PRODH2: variants seen among roughly 807,000 people sequenced by gnomAD.
PRODH2 encodes proline dehydrogenase 2, also known as hydroxyproline dehydrogenase.
In PRODH2, 49 loss-of-function variants were observed where a neutral mutation model predicts 51.9. The observed-to-expected ratio is 0.94, with a 90% CI of 0.75 to 1.20. PRODH2 has a LOEUF of 1.20. Ranked by LOEUF, PRODH2 falls within the 50% of genes most tolerant of loss-of-function variation. The pLI, the probability that PRODH2 is intolerant of heterozygous loss-of-function variation, is 0.00. For missense variants in PRODH2, 597 were observed against 610.9 expected, an observed-to-expected ratio of 0.98 and a Z score of 0.24; for synonymous variants, 249 against 260.7, an observed-to-expected ratio of 0.96 and a Z score of 0.43.
Position 35,803,036 on chromosome 19 carries a change from G to A in PRODH2, c.1044C>T (p.Arg348=), listed in dbSNP as rs368917164. The A allele has an allele frequency of 4.5e-6, 7 of 1,571,500 alleles. No homozygotes were observed. Among genetic ancestry groups the A allele is most frequent in the Non-Finnish European group, 6.1e-6 (7 of 1,155,412 alleles). Residue 348 remains arginine, a synonymous_variant, in exon 8 of 10, where the codon CGC becomes CGT. Coordinates refer to ENST00000653904, the MANE Select transcript of PRODH2 (RefSeq NM_021232.2). The part of the protein sequence containing the change: ...CLELMLTHVA[R]HGPMCHLMVA... ...CCATGAGGTGGCACATGGGGCCATG[G>A]CGGGCCACGTGCGTCAGCATCAGTT...
At chr19:35,804,397 T>C (rs562863848) in intron 7 of PRODH2, among the ~76,000 whole-genome samples, 1 of 152,246 alleles carries the variant, frequency 6.6e-6, no homozygotes, top group African/African-American at 2.4e-5. Flanking sequence ...TTCCTTTAGT[T>C]AAAACCCTTT....
At chr19:35,807,920 C>A (rs1391253474) in intron 4 of PRODH2, among the ~76,000 whole-genome samples, 1 of 151,988 alleles carries the variant, frequency 6.6e-6, no homozygotes, top group Non-Finnish European at 1.5e-5. Context: ...GTACCACAGG[C>A]ACCCACCACC....
At chr19:35,804,030 G>A (rs1184165885) in intron 7 of PRODH2, among the ~76,000 whole-genome samples, 1 of 152,158 alleles carries the variant, frequency 6.6e-6, no homozygotes, top group East Asian at 1.9e-4. Context: ...GTCATGTGCA[G>A]GAAGGAGTGT....
Position 35,812,380 on chromosome 19 carries a change from C to T in PRODH2, c.351G>A (p.Pro117=), listed in dbSNP as rs1029771497. The change falls in exon 2 of 10, where the codon CCG becomes CCA. Residue 117 remains proline, a synonymous_variant. Coordinates refer to ENST00000653904, the MANE Select transcript of PRODH2 (RefSeq NM_021232.2). ...CTCACCCACTCTTGGCAGCAGAGTC[C>T]GGCTCCTCCTCAGTGGGCACTGCCA... is the stretch of plus-strand genomic sequence containing the variant. ...PLLAVPTEEE[P]DSAAKSGEAW... is the part of the protein sequence containing the mutation. 1.5e-5 allele frequency: 25 copies of T among 1,613,428 alleles called. No individual in the cohort carries two copies. Among genetic ancestry groups the T allele is most frequent in the Non-Finnish European group, 2.0e-5 (24 of 1,179,502 alleles).
rs1269069633 is a variant in PRODH2 at position 35,806,825 on chromosome 19, G to C, written c.684C>G (p.Ala228=). 8.1e-6 allele frequency: 13 copies of C among 1,603,764 alleles called. No individual in the cohort carries two copies. Among genetic ancestry groups the C allele is most frequent in the Non-Finnish European group, 1.1e-5 (13 of 1,175,408 alleles). ...CCAGGAGCCGCACGTGCTGGGCCCGGGCATACTGATGGCGACAGAGACGAC... is the reference window on the plus strand; with the variant it reads ...CCAGGAGCCGCACGTGCTGGGCCCGCGCATACTGATGGCGACAGAGACGAC... ...LSRLHRVAQY[A]RAQHVRLLVD... is the part of the protein sequence containing the mutation. The change falls in exon 6 of 10, where the codon GCC becomes GCG. Residue 228 remains alanine (A), a synonymous_variant. Transcript: ENST00000653904.
At chr19:35,811,860 A>G (rs1568443595) in intron 4 of PRODH2, 102 bp downstream of exon 4, 11 of 1,176,248 alleles carry the variant, frequency 9.4e-6, no homozygotes, top group Non-Finnish European at 6.1e-6. Context: ...TGGCTGTTCC[A>G]AGCCTGGAGG....
rs372981574 is a variant in PRODH2 at position 35,806,600 on chromosome 19, T to A, written c.835-4A>T. The A allele has an allele frequency of 4.3e-6, 7 of 1,614,012 alleles. No individual in the cohort carries two copies. In the African/African-American group the frequency reaches 9.3e-5, roughly 22 times the overall value. ...TCCCCAGCCGCTCGAATGTGTCCTA[T>A]AGGGCACGCAGGCAGGTTCTGGTAG... On this transcript the variant is annotated splice_region_variant and splice_polypyrimidine_tract_variant and intron_variant, in intron 6 of 9. Coordinates refer to ENST00000653904, the MANE Select transcript of PRODH2 (RefSeq NM_021232.2).
At chr19:35,812,300 G>A (rs772323425) in intron 2 of PRODH2, 28 bp from the exon 3 acceptor site, 12 of 1,612,090 alleles carry the variant, frequency 7.4e-6, no homozygotes, top group Admixed American at 3.3e-5. Context: ...GTCAGGGCCC[G>A]AACAGCAAAG....
At position 35,804,086 on chromosome 19, in the gene PRODH2, G is replaced by C. The variant is rs150106412; in HGVS notation, c.1002-1008C>G. 3.5e-3 allele frequency among the ~76,000 whole-genome samples: 537 copies of C among 152,296 alleles called. 4 individuals are homozygous for C. The highest frequency in any genetic ancestry group is 0.013 in the African/African-American group (524 of 41,560). On this transcript the variant is annotated intron_variant, in intron 7 of 9. Coordinates refer to ENST00000653904, the MANE Select transcript of PRODH2 (RefSeq NM_021232.2). ...TCCCTGCTCACCCTGACTGTGTTCT[G>C]TGTGTGGCCACAGCTCCCTAAGGTG...
intron 7 of PRODH2, among the ~76,000 whole-genome samples, chr19:35,805,314 T>C (rs2146782110): frequency 6.6e-6 from 1 of 152,288 alleles, no homozygotes; most frequent in South Asian, 2.1e-4. Context: ...TCGCCCAGGC[T>C]GGAGTGTAGT....
In PRODH2 at chr19:35,807,119, G is replaced by C. The variant is rs374521376; in HGVS notation, c.600C>G (p.Asn200Lys). Residue 200 changes from asparagine to lysine, a missense_variant and splice_region_variant, in exon 5 of 10, where the codon AAC becomes AAG. Transcript: ENST00000653904. ...CAGCATTGAGGCAGGAGACCTGGAG[G>C]TTCTAGGGGGCAGCAGGGGAAGTGG... ...RLAEAMDSGQNLQVSCLNAEQ... is the reference protein window; with the variant it reads ...RLAEAMDSGQKLQVSCLNAEQ... 60 of 1,550,818 alleles carry C rather than the reference G, an allele frequency of 3.9e-5. No homozygotes were observed. Among genetic ancestry groups the C allele is most frequent in the Non-Finnish European group, 5.1e-5 (59 of 1,145,978 alleles).
chr19:35,803,486 C>G (rs1366081126), intron 7 of PRODH2, among the ~76,000 whole-genome samples: 1 of 152,042 alleles, frequency 6.6e-6, no homozygotes, highest in Non-Finnish European at 1.5e-5. Flanking sequence ...AACTCCTGAC[C>G]TCAGGTGATC....
chr19:35,806,861 C>G (rs752812983), intron 5 of PRODH2, 31 bp from the exon 6 acceptor site: 129 of 1,567,476 alleles, frequency 8.2e-5, no homozygotes, highest in Non-Finnish European at 1.1e-4. Flanking sequence ...GGTCAGGGCC[C>G]CGGGTGTCCA....
intron 4 of PRODH2, among the ~76,000 whole-genome samples, chr19:35,810,260 AAATAATAAT>A (rs10676244): frequency 0.019 from 2,748 of 143,234 alleles, 41 homozygotes; most frequent in Middle Eastern, 0.036. Flanking sequence ...CTCTGTCTTA[AAATAATAAT>A]AATAATAATA....
chr19:35,799,992 G>C lies in PRODH2; in HGVS notation c.*46C>G. 6.4e-7 allele frequency: 1 copy of C among 1,553,990 alleles called. No individual in the cohort carries two copies. On this transcript the variant is annotated 3_prime_UTR_variant, in exon 10 of 10. Transcript: ENST00000653904. ...GCGTCAGTGCAGGACAGCAGCTTAG[G>C]CAGCACCTAAGGACTTTTATTGACC...
In PRODH2 at chr19:35,807,127, G is replaced by A; in HGVS notation, c.598-6C>T. ...AGGCAGGAGACCTGGAGGTTCTAGG[G>A]GGCAGCAGGGGAAGTGGGGAAAAGC... On this transcript the variant is annotated splice_region_variant and splice_polypyrimidine_tract_variant and intron_variant, in intron 4 of 9. Transcript: ENST00000653904. The A allele has an allele frequency of 6.5e-7, 1 of 1,546,996 alleles. No homozygotes were observed. The highest frequency in any genetic ancestry group is 1.4e-5 in the African/African-American group (1 of 72,958).
At chr19:35,806,244 C>T (rs1200342699) in intron 7 of PRODH2, among the ~76,000 whole-genome samples, 186 bp downstream of exon 7, 1 of 152,012 alleles carries the variant, frequency 6.6e-6, no homozygotes, top group Non-Finnish European at 1.5e-5. Context: ...TGCTACCACA[C>T]CTGACTATTT....
Position 35,803,072 on chromosome 19 carries a change from G to T in PRODH2, c.1008C>A (p.Ser336Arg), listed in dbSNP as rs1320767808. The T allele has an allele frequency of 1.5e-5, 23 of 1,535,444 alleles. No homozygotes were observed. The highest frequency in any genetic ancestry group is 2.0e-5 in the Non-Finnish European group (23 of 1,131,870). The change falls in exon 8 of 10, where the codon AGC becomes AGA. Residue 336 changes from serine to arginine, a missense_variant. By Grantham distance (110) the Ser-to-Arg change is moderately radical. Transcript: ENST00000653904. ...PDYEATSQSY[S>R]RCLELMLTHV... ...GCGTCAGCATCAGTTCCAGGCAGCGGCTGTAACTGAAGGGAGATGCTCTGT... is the reference window on the plus strand; with the variant it reads ...GCGTCAGCATCAGTTCCAGGCAGCGTCTGTAACTGAAGGGAGATGCTCTGT...
rs766701773 is a variant in PRODH2, at chr19:35,812,603, C to T, written c.174+29G>A. On this transcript the variant is annotated intron_variant, in intron 1 of 9. Transcript: ENST00000653904. ...CTCAGCGCCAGGCTATGAGGAGCCT[C>T]CAGGCTGGTCCTCAGGATCACTGCT... is the stretch of plus-strand genomic sequence containing the variant. The T allele has an allele frequency of 6.3e-6, 10 of 1,598,932 alleles. 1 individual carries two copies. The South Asian group carries it at 1.1e-4, about 18-fold the overall frequency.
Sources: gnomAD v4.1 joint callset for allele counts (sites outside exome capture counted in the v4.1 genomes callset) on GRCh38, gnomAD v4.1.1 for gene constraint, MANE v1.5 for transcripts, NCBI Gene and HGNC (gene_info 2026-07-23, HGNC 2026-07-21) for gene names.